Variants in PAM observed in about 807,000 individuals in gnomAD.
PAM encodes the protein peptidylglycine alpha-amidating monooxygenase, also known as peptidyl-glycine alpha-amidating monooxygenase.
In PAM, 72 loss-of-function variants were observed where a neutral mutation model predicts 122.1. That is an observed-to-expected ratio of 0.59 (90% CI 0.49 to 0.72). The LOEUF is 0.72. PAM is among the 30% of genes least tolerant of loss of function. The pLI is 0.00. For synonymous variants in PAM, 389 were observed against 404.4 expected (o/e 0.96, Z 0.46); for missense variants, 1,106 against 1,183.7 (o/e 0.93, Z 0.96).
Position 102,949,908 on chromosome 5 carries a change from T to C in PAM, c.731T>C (p.Val244Ala), listed in dbSNP as rs201009674. ...AAATTTGTGTTTATTACAGGTAAGG[T>C]AGTAAGTGGATACAGAGTAAGAAAT... ...YRVHTHHLGKVVSGYRVRNGQ... is the reference protein window; with the variant it reads ...YRVHTHHLGKAVSGYRVRNGQ... The change falls in exon 11 of 26, where the codon GTA becomes GCA. Residue 244 changes from valine to alanine, a missense_variant. Coordinates refer to ENST00000438793, the MANE Select transcript of PAM (RefSeq NM_001177306.2). The C allele has an allele frequency of 4.7e-4, 727 of 1,543,896 alleles. 3 individuals are homozygous for C. The highest frequency in any genetic ancestry group is 6.4e-4 in the Admixed American group (38 of 59,668).
intron 1 of PAM, among the ~76,000 whole-genome samples, chr5:102,769,631 C>T (rs1755155879): frequency 6.6e-6 from 1 of 151,938 alleles, no homozygotes; most frequent in Admixed American, 6.6e-5. Flanking sequence ...AATGTTTGTT[C>T]TGGGCAACTT....
At chr5:102,811,460 A>G (rs1767883031) in intron 1 of PAM, among the ~76,000 whole-genome samples, 1 of 152,216 alleles carries the variant, frequency 6.6e-6, no homozygotes, top group Non-Finnish European at 1.5e-5. Context: ...TGCAGCCAGG[A>G]AATTTATCCA....
chr5:102,964,576 CTTATT>C (rs1205369173), intron 14 of PAM, among the ~76,000 whole-genome samples: 1 of 151,554 alleles, frequency 6.6e-6, no homozygotes, highest in Non-Finnish European at 1.5e-5. Context: ...AAAAATAATG[CTTATT>C]TTGACTGATT....
chr5:102,859,551 TAAA>T (rs779926673), intron 1 of PAM, among the ~76,000 whole-genome samples: 13 of 152,120 alleles, frequency 8.5e-5, no homozygotes, highest in Non-Finnish European at 1.9e-4. Context: ...GTTTATGAAG[TAAA>T]AAGCTACACT....
chr5:102,898,929 A>G (rs1796924423), intron 3 of PAM, among the ~76,000 whole-genome samples: 1 of 151,606 alleles, frequency 6.6e-6, no homozygotes. Flanking sequence ...TCATTTTTCC[A>G]TGCGTAAAAT....
intron 3 of PAM, among the ~76,000 whole-genome samples, chr5:102,886,951 A>C (rs1359090564): frequency 5.9e-5 from 9 of 152,104 alleles, no homozygotes. Context: ...CAATACAGGT[A>C]GGAAAGTAAG....
intron 18 of PAM, among the ~76,000 whole-genome samples, chr5:103,006,280 T>G (rs1778943560): frequency 6.6e-6 from 1 of 152,158 alleles, no homozygotes; most frequent in Non-Finnish European, 1.5e-5. Context: ...TTATGTTTTT[T>G]TCTTAAACTA....
At chr5:102,816,203 C>T (rs1024801932) in intron 1 of PAM, among the ~76,000 whole-genome samples, 32 of 152,068 alleles carry the variant, frequency 2.1e-4, no homozygotes, top group African/African-American at 6.5e-4. Flanking sequence ...ATGAGTTTAA[C>T]TCTCATGTTA....
chr5:102,862,093 C>T (rs534782525), intron 1 of PAM, among the ~76,000 whole-genome samples: 49 of 149,540 alleles, frequency 3.3e-4, no homozygotes, highest in Middle Eastern at 3.5e-3. Flanking sequence ...CTGCTTGAGT[C>T]TGGGAGGCAG....
At chr5:103,005,269 G>T (rs753115010) in intron 18 of PAM, 43 bp downstream of exon 18, 2 of 948,188 alleles carry the variant, frequency 2.1e-6, no homozygotes, top group Non-Finnish European at 3.5e-6. Context: ...AGCTAACAGA[G>T]TTATGCTTTT....
intron 3 of PAM, among the ~76,000 whole-genome samples, chr5:102,880,158 G>A (rs2151113077): frequency 6.6e-6 from 1 of 152,220 alleles, no homozygotes; most frequent in Admixed American, 6.5e-5. Context: ...GTGTATGCCT[G>A]CTTTCCCAGC....
At position 102,960,042 on chromosome 5, in the gene PAM, T is replaced by A; in HGVS notation, c.1073T>A (p.Met358Lys). Residue 358 changes from methionine to lysine, a missense_variant, in exon 13 of 26, where the codon ATG becomes AAG. By Grantham distance (95) the Met-to-Lys change is moderately conservative. Around this residue, in one of 3 missense-constraint regions of PAM, gnomAD observed 670 missense variants for 690.3 expected, o/e 0.97. Transcript: ENST00000438793. The stretch of plus-strand genomic sequence containing the variant: ...CCCGTGAAGTCTGATATGGTTATGA[T>A]GCATGAACATCATAAAGGTAATAAT... ...PIPVKSDMVM[M>K]HEHHKETEYK... 1 of 1,590,678 alleles carries A rather than the reference T, an allele frequency of 6.3e-7. No individual in the cohort carries two copies.
chr5:102,844,469 C>A (rs1008672804), intron 1 of PAM, among the ~76,000 whole-genome samples: 2 of 151,992 alleles, frequency 1.3e-5, no homozygotes, highest in African/African-American at 4.8e-5. Context: ...GAGATTGAGA[C>A]CAGCCTGGGT....
At chr5:102,767,563 A>G (rs1026001589) in intron 1 of PAM, among the ~76,000 whole-genome samples, 1 of 152,200 alleles carries the variant, frequency 6.6e-6, no homozygotes, top group Admixed American at 6.5e-5. Context: ...GTAGGAATTC[A>G]CCCAGATTTA....
rs754559996 is a variant in PAM, at chr5:102,942,736, A to ATTTTTTTTTT, written c.527-4095_527-4086dup. On this transcript the variant is annotated intron_variant, in intron 7 of 25. Coordinates refer to ENST00000438793, the MANE Select transcript of PAM (RefSeq NM_001177306.2). ...AGTCACACGCCAGCATGCCCGGCTA[A>ATTTTTTTTTT]TTTTTTTTTTTTTTTGTAGAAATGC... Among the ~76,000 whole-genome samples the ATTTTTTTTTT allele has an allele frequency of 1.2e-4, 16 of 138,456 alleles. 1 individual carries two copies. Among genetic ancestry groups the ATTTTTTTTTT allele is most frequent in the African/African-American group, 3.0e-4 (11 of 36,722 alleles). The allele number at this position is 138,456 out of a possible 152,430, so 90.8% of individuals were successfully genotyped here. A position where few individuals can be genotyped will look rare whatever the true frequency, so the allele number is the denominator to read the frequency against.
intron 21 of PAM, among the ~76,000 whole-genome samples, chr5:103,011,508 A>C (rs975862230): frequency 6.6e-6 from 1 of 152,178 alleles, no homozygotes; most frequent in Non-Finnish European, 1.5e-5. Context: ...AATAATTGAG[A>C]ACATGTCATG....
intron 15 of PAM, among the ~76,000 whole-genome samples, chr5:102,986,002 G>C (rs776687108): frequency 6.6e-6 from 1 of 152,170 alleles, no homozygotes; most frequent in Non-Finnish European, 1.5e-5. Flanking sequence ...CATATCAATA[G>C]ATGCAGAAAA....
In PAM at chr5:102,863,812, A is replaced by G. The variant is rs1221947103; in HGVS notation, c.-373-2011A>G. Reference sequence around the variant, plus strand: ...TTTTTTTTTTGATCTGATGATTTGTATTTTGTCTTTAGCTTACAAGTCATC... The same window carrying G: ...TTTTTTTTTTGATCTGATGATTTGTGTTTTGTCTTTAGCTTACAAGTCATC... On this transcript the variant is annotated intron_variant, in intron 1 of 25. Coordinates refer to ENST00000438793, the MANE Select transcript of PAM (RefSeq NM_001177306.2). Among the ~76,000 whole-genome samples, 3 of 151,150 alleles carry G rather than the reference A, an allele frequency of 2.0e-5. No homozygotes were observed. In the East Asian group the frequency reaches 5.8e-4, roughly 29 times the overall value.
chr5:102,822,027 G>A (rs1430085755), intron 1 of PAM, among the ~76,000 whole-genome samples: 1 of 152,020 alleles, frequency 6.6e-6, no homozygotes, highest in African/African-American at 2.4e-5. Flanking sequence ...ACCCAATTTG[G>A]GGGATTCAAT....
Sources: allele counts gnomAD v4.1 joint callset (sites outside exome capture counted in the v4.1 genomes callset), GRCh38; gene constraint gnomAD v4.1.1; regional missense constraint gnomAD v4.1.1; transcripts MANE v1.5; gene names NCBI Gene and HGNC (gene_info 2026-07-23, HGNC 2026-07-21).